The following EML6 variants were observed in gnomAD, a reference collection of about 807,000 sequenced individuals.
EML6 encodes echinoderm microtubule-associated protein-like 6.
A neutral mutation model predicts 240.1 loss-of-function variants in EML6; 154 were observed. That is an observed-to-expected ratio of 0.64 (90% CI 0.56 to 0.73). The LOEUF (loss-of-function observed/expected upper bound fraction) is 0.73. EML6 is among the 30% of genes least tolerant of loss of function. EML6 has a pLI of 0.00. For synonymous variants in EML6, 1,148 were observed against 899.0 expected (o/e 1.28, Z -4.95); for missense variants, 2,964 against 2,474.6 (o/e 1.20, Z -4.20).
intron 2 of EML6, among the ~76,000 whole-genome samples, chr2:54,748,892 C>A (rs1205458259): frequency 6.6e-6 from 1 of 152,128 alleles, no homozygotes; most frequent in Non-Finnish European, 1.5e-5. Flanking sequence ...TTTGTCAGTT[C>A]AATCTTGGTT....
intron 7 of EML6, among the ~76,000 whole-genome samples, chr2:54,832,593 G>A (rs759256820): frequency 7.9e-5 from 12 of 152,186 alleles, no homozygotes; most frequent in African/African-American, 1.4e-4. Flanking sequence ...GCTTTCTGGC[G>A]TAGCTCCCCC....
intron 7 of EML6, among the ~76,000 whole-genome samples, chr2:54,835,479 C>T (rs1489979233): frequency 6.6e-6 from 1 of 152,134 alleles, no homozygotes; most frequent in Non-Finnish European, 1.5e-5. Flanking sequence ...CTGTGACATG[C>T]AAGCTTGCAC....
chr2:54,825,896 C>A (rs1369274910), intron 5 of EML6, among the ~76,000 whole-genome samples: 1 of 152,130 alleles, frequency 6.6e-6, no homozygotes, highest in African/African-American at 2.4e-5. Flanking sequence ...TGATTTACTC[C>A]CACATGCCTG....
At chr2:54,829,319 G>A in intron 6 of EML6, 23 bp from the exon 7 acceptor site, 6 of 1,550,178 alleles carry the variant, frequency 3.9e-6, no homozygotes, top group Non-Finnish European at 5.2e-6. Flanking sequence ...GCACCATTGA[G>A]TATTACCTGT....
chr2:54,931,147 C>T (rs949590349), intron 28 of EML6, among the ~76,000 whole-genome samples: 7 of 151,696 alleles, frequency 4.6e-5, no homozygotes, highest in South Asian at 2.1e-4. Flanking sequence ...TTAGTAGAGA[C>T]GGGGTTTCAC....
intron 5 of EML6, among the ~76,000 whole-genome samples, chr2:54,823,872 C>T (rs940698303): frequency 2.0e-5 from 3 of 149,266 alleles, no homozygotes; most frequent in African/African-American, 7.5e-5. Flanking sequence ...CTCTCTCTCT[C>T]TCTCTTTCTG....
At chr2:54,787,142 C>T (rs1034279274) in intron 2 of EML6, among the ~76,000 whole-genome samples, 6 of 152,008 alleles carry the variant, frequency 3.9e-5, no homozygotes, top group African/African-American at 9.7e-5. Context: ...GTGCAGTGTG[C>T]GTTGGTGGGA....
In EML6 at chr2:54,869,281, C is replaced by G; in HGVS notation, c.2152C>G (p.His718Asp). 6.4e-7 allele frequency: 1 copy of G among 1,551,692 alleles called. No individual in the cohort carries two copies. Among genetic ancestry groups the G allele is most frequent in the East Asian group, 2.4e-5 (1 of 40,924 alleles). ...TGCTGTCGTGTATAATCGGCAGCAG[C>G]ACTCCCAGAGGCTGTACCTGGGGCA... ...AVAVVYNRQQ[H>D]SQRLYLGHDD... The change falls in exon 15 of 42, where the codon CAC (histidine) becomes GAC (aspartate). Residue 718 changes from histidine to aspartate, a missense_variant. His to Asp is a moderately conservative substitution (Grantham distance 81, BLOSUM62 -1). Transcript: ENST00000356458.
intron 2 of EML6, among the ~76,000 whole-genome samples, chr2:54,811,283 G>A (rs756751168): frequency 1.3e-5 from 2 of 152,066 alleles, no homozygotes; most frequent in Non-Finnish European, 2.9e-5. Context: ...CTAATTTCCT[G>A]GCCTGGCTAA....
intron 17 of EML6, among the ~76,000 whole-genome samples, chr2:54,885,812 C>T (rs936665508): frequency 4.0e-5 from 6 of 151,730 alleles, no homozygotes; most frequent in African/African-American, 1.2e-4. Flanking sequence ...GGGGTTTCAC[C>T]GTGTTAGCCA....
chr2:54,825,224 A>AG (rs1668530226), intron 5 of EML6, among the ~76,000 whole-genome samples: 1 of 152,242 alleles, frequency 6.6e-6, no homozygotes, highest in Non-Finnish European at 1.5e-5. Context: ...GTAAAGAGAA[A>AG]GGGAACTGTC....
chr2:54,773,197 G>A (rs944290692), intron 2 of EML6, among the ~76,000 whole-genome samples: 4 of 152,228 alleles, frequency 2.6e-5, no homozygotes, highest in Non-Finnish European at 4.4e-5. Context: ...AAGGCTGCTG[G>A]CTATATGAGA....
At chr2:54,879,495 T>A (rs761006254) in intron 16 of EML6, 52 bp from the exon 17 acceptor site, 4 of 1,154,488 alleles carry the variant, frequency 3.5e-6, no homozygotes, top group Non-Finnish European at 5.1e-6. Context: ...GTGTATGAAA[T>A]GTTTTGTTTT....
intron 18 of EML6, among the ~76,000 whole-genome samples, chr2:54,891,700 A>G (rs116038809): frequency 9.8e-4 from 150 of 152,316 alleles, no homozygotes; most frequent in African/African-American, 3.6e-3. Context: ...AATTCTTAGT[A>G]TCAGCTTTGG....
chr2:54,799,862 A>G (rs1465104053), intron 2 of EML6, among the ~76,000 whole-genome samples: 4 of 152,236 alleles, frequency 2.6e-5, no homozygotes, highest in Non-Finnish European at 4.4e-5. Flanking sequence ...TTGTTACTAG[A>G]TAGAGCTCTC....
intron 7 of EML6, among the ~76,000 whole-genome samples, chr2:54,840,248 T>G (rs1187009978): frequency 1.3e-5 from 2 of 152,164 alleles, no homozygotes; most frequent in Non-Finnish European, 2.9e-5. Context: ...ATGCTTACAG[T>G]GAAGCCATGG....
At chr2:54,868,187 T>C (rs1213596096) in intron 14 of EML6, 2 of 152,210 alleles carry the variant, frequency 1.3e-5, no homozygotes, top group African/African-American at 4.8e-5. Context: ...TTTTTTCTAA[T>C]ATGGCAACAA....
chr2:54,827,983 A>G (rs547135653), intron 6 of EML6, among the ~76,000 whole-genome samples: 1 of 152,320 alleles, frequency 6.6e-6, no homozygotes, highest in Non-Finnish European at 1.5e-5. Context: ...TATGTCATCC[A>G]CAGTAGTTTG....
intron 21 of EML6, 64 bp downstream of exon 21, chr2:54,895,464 T>G (rs1280432384): frequency 9.9e-6 from 15 of 1,511,918 alleles, no homozygotes; most frequent in Non-Finnish European, 1.3e-5. Flanking sequence ...TGAGGCAAAG[T>G]TGATGCTTAG....
Sources: gnomAD v4.1 joint callset for allele counts (sites outside exome capture counted in the v4.1 genomes callset) on GRCh38, gnomAD v4.1.1 for gene constraint, MANE v1.5 for transcripts, NCBI Gene and HGNC (gene_info 2026-07-23, HGNC 2026-07-21) for gene names.